Variants in ANXA2 observed in about 807,000 individuals in gnomAD.
ANXA2 encodes annexin II.
ANXA2 carries 28 observed loss-of-function variants against 47.3 expected under a neutral mutation model. The ratio of observed to expected loss-of-function variants is 0.59; its 90% confidence interval spans 0.44 to 0.81. ANXA2 has a LOEUF of 0.81. Ranked by LOEUF, ANXA2 falls within the 40% of genes least tolerant of loss-of-function variation. The pLI is 0.00. For missense variants in ANXA2, 384 were observed against 414.3 expected (o/e 0.93, Z 0.64); for synonymous variants, 172 against 155.5 (o/e 1.11, Z -0.79).
intron 5 of ANXA2, 74 bp downstream of exon 5, chr15:60,360,867 A>T: frequency 6.2e-6 from 6 of 974,888 alleles, no homozygotes; most frequent in Non-Finnish European, 9.6e-6. Context: ...AAAATCACCA[A>T]ATTACACTCA....
In ANXA2 at chr15:60,349,210, T is replaced by C; in HGVS notation, c.838-13A>G. On this transcript the variant is annotated splice_polypyrimidine_tract_variant and intron_variant, in intron 11 of 12. Coordinates refer to ENST00000451270, the MANE Select transcript of ANXA2 (RefSeq NM_004039.3). ...GCGTCCCCTTGCCCTGAAAATCAAG[T>C]TGATATTTGTTACATTCGCTGAGAA... is the stretch of plus-strand genomic sequence containing the variant. 1 of 1,613,526 alleles carries C rather than the reference T, an allele frequency of 6.2e-7. No individual in the cohort carries two copies. Among genetic ancestry groups the C allele is most frequent in the Non-Finnish European group, 8.5e-7 (1 of 1,179,570 alleles).
At chr15:60,349,276 G>A (rs1287772275) in intron 11 of ANXA2, 79 bp from the exon 12 acceptor site, 3 of 1,516,384 alleles carry the variant, frequency 2.0e-6, no homozygotes, top group Non-Finnish European at 2.7e-6. Flanking sequence ...GAGCATCCCT[G>A]ATCTGAAAAT....
intron 12 of ANXA2, 52 bp from the exon 13 acceptor site, chr15:60,347,741 C>T (rs866899452): frequency 8.6e-6 from 13 of 1,503,828 alleles, no homozygotes; most frequent in Admixed American, 5.0e-5. Context: ...AAAGCCCAGA[C>T]TCCTCAATAA....
intron 1 of ANXA2, among the ~76,000 whole-genome samples, chr15:60,396,747 C>A (rs1179511558): frequency 2.0e-5 from 3 of 152,212 alleles, no homozygotes. Flanking sequence ...CAGTAGCACA[C>A]ACGTGTGAAC....
intron 1 of ANXA2, among the ~76,000 whole-genome samples, chr15:60,392,623 A>G (rs1161406828): frequency 1.3e-5 from 2 of 152,268 alleles, no homozygotes; most frequent in African/African-American, 4.8e-5. Flanking sequence ...ATTAAGAACC[A>G]GTTCCAAAAA....
intron 3 of ANXA2, among the ~76,000 whole-genome samples, chr15:60,379,431 CAAT>C (rs2062825778): frequency 6.6e-6 from 1 of 152,044 alleles, no homozygotes; most frequent in African/African-American, 2.4e-5. Context: ...CACAGATGAA[CAAT>C]GTTTTTCATA....
chr15:60,379,457 TCAAGGCAATGAAAAA>T (rs1236170261), intron 3 of ANXA2, among the ~76,000 whole-genome samples: 1 of 151,892 alleles, frequency 6.6e-6, no homozygotes, highest in African/African-American at 2.4e-5. Flanking sequence ...TGAAAATAAT[TCAAGGCAATGAAAAA>T]AATCCAAGGC....
chr15:60,376,401 AC>A (rs1214772551), intron 3 of ANXA2, among the ~76,000 whole-genome samples: 72 of 151,772 alleles, frequency 4.7e-4, no homozygotes, highest in African/African-American at 1.6e-3. Context: ...AAAGAAGACG[AC>A]GACGACAGAT....
At position 60,351,486 on chromosome 15, in the gene ANXA2, T is replaced by C. The variant is rs998043835; in HGVS notation, c.779-235A>G. On this transcript the variant is annotated intron_variant, in intron 10 of 12. Transcript: ENST00000451270. The stretch of plus-strand genomic sequence containing the variant: ...CAGAACCCAAGTGCATACGTGAGTT[T>C]CCACAACACACCCCTCTCTCCTCCT... 13 of 615,306 alleles carry C rather than the reference T, an allele frequency of 2.1e-5. No individual in the cohort carries two copies. In the African/African-American group the frequency reaches 2.4e-4, roughly 11 times the overall value. The allele number at this position is 615,306 out of a possible 1,614,324, so 38.1% of individuals were successfully genotyped here. A position where few individuals can be genotyped will look rare whatever the true frequency, so the allele number is the denominator to read the frequency against.
At position 60,347,532 on chromosome 15, in the gene ANXA2, G is replaced by T; in HGVS notation, c.*98C>A. 8.3e-7 allele frequency: 1 copy of T among 1,207,786 alleles called. No homozygotes were observed. The highest frequency in any genetic ancestry group is 1.2e-6 in the Non-Finnish European group (1 of 819,304). 74.8% of individuals were successfully genotyped at this position (1,207,786 alleles called of 1,614,324 possible). ...GTAATGCTAACGTCACCCTCACAGG[G>T]ATGGCCACGGGGACTGTTATTCGCA... is the stretch of plus-strand genomic sequence containing the variant. On this transcript the variant is annotated 3_prime_UTR_variant, in exon 13 of 13. Transcript: ENST00000451270.
At chr15:60,364,149 G>C (rs533395153) in intron 4 of ANXA2, among the ~76,000 whole-genome samples, 2 of 152,322 alleles carry the variant, frequency 1.3e-5, no homozygotes, top group South Asian at 2.1e-4. Flanking sequence ...GATTCTCACA[G>C]AAGCGCGAAC....
At chr15:60,354,327 C>A in intron 7 of ANXA2, 114 bp from the exon 8 acceptor site, 2 of 878,210 alleles carry the variant, frequency 2.3e-6, no homozygotes, top group Non-Finnish European at 3.5e-6. Context: ...TAAGTAACCA[C>A]GTAAGATTTT....
At chr15:60,355,771 C>T in intron 7 of ANXA2, 148 bp downstream of exon 7, 1 of 744,976 alleles carries the variant, frequency 1.3e-6, no homozygotes, top group Middle Eastern at 2.3e-4. Flanking sequence ...GACAACTCTG[C>T]AGTGACAGTG....
chr15:60,364,611 T>A, intron 3 of ANXA2, 88 bp from the exon 4 acceptor site: 1 of 965,748 alleles, frequency 1.0e-6, no homozygotes, highest in South Asian at 1.7e-5. Flanking sequence ...TTTTTCAAAC[T>A]GAAATTTATA....
chr15:60,363,495 C>T (rs1024172895), intron 4 of ANXA2, among the ~76,000 whole-genome samples: 1 of 152,158 alleles, frequency 6.6e-6, no homozygotes, highest in African/African-American at 2.4e-5. Context: ...ATAAGTCAAA[C>T]GGGAGCTGCA....
intron 3 of ANXA2, among the ~76,000 whole-genome samples, chr15:60,377,578 G>A (rs547205320): frequency 6.6e-6 from 1 of 152,208 alleles, no homozygotes; most frequent in African/African-American, 2.4e-5. Flanking sequence ...ATTATATTAA[G>A]TGTGTAATAG....
chr15:60,397,725 G>A (rs2063100790), intron 1 of ANXA2: 1 of 286,916 alleles, frequency 3.5e-6, no homozygotes, highest in Non-Finnish European at 5.0e-6. Context: ...CTCCCGGCCC[G>A]AGGGCCGGTG....
At chr15:60,362,639 A>G (rs1000821359) in intron 4 of ANXA2, 1 of 152,156 alleles carries the variant, frequency 6.6e-6, no homozygotes, top group Non-Finnish European at 1.5e-5. Context: ...TTTCTTCTTT[A>G]TTTCACAAAC....
At chr15:60,354,758 G>T (rs920221899) in intron 7 of ANXA2, among the ~76,000 whole-genome samples, 2 of 152,062 alleles carry the variant, frequency 1.3e-5, no homozygotes, top group Non-Finnish European at 2.9e-5. Context: ...ACCCAGTCCT[G>T]GCCTACACAC....
Sources: allele counts gnomAD v4.1 joint callset (sites outside exome capture counted in the v4.1 genomes callset), GRCh38; gene constraint gnomAD v4.1.1; transcripts MANE v1.5; gene names NCBI Gene and HGNC (gene_info 2026-07-23, HGNC 2026-07-21).